RUVBL1: variants seen among roughly 807,000 people sequenced by gnomAD.
RUVBL1 encodes the protein RuvB like AAA ATPase 1.
Under a neutral mutation model 52.4 loss-of-function variants are expected in RUVBL1, and 4 were observed. The observed-to-expected ratio is 0.08, with a 90% confidence interval of 0.04 to 0.17. RUVBL1 has a LOEUF of 0.17. Among genes scored for constraint, RUVBL1 ranks in the 10% least tolerant of loss-of-function variants. The pLI, the probability that RUVBL1 is intolerant of heterozygous loss-of-function variation, is 1.00. For missense variants in RUVBL1, 298 were observed against 572.8 expected, an observed-to-expected ratio of 0.52 and a Z score of 4.90; for synonymous variants, 217 against 214.4, an observed-to-expected ratio of 1.01 and a Z score of -0.10.
chr3:128,127,162 C>T (rs1360921389), upstream of RUVBL1, among the ~76,000 whole-genome samples: 3 of 152,210 alleles, frequency 2.0e-5, no homozygotes, highest in African/African-American at 4.8e-5. Flanking sequence ...GGAAAGCTGA[C>T]AGAAAGAGAT....
At chr3:128,095,653 A>C (rs1942951979) in intron 8 of RUVBL1, among the ~76,000 whole-genome samples, 1 of 152,222 alleles carries the variant, frequency 6.6e-6, no homozygotes, top group Non-Finnish European at 1.5e-5. Flanking sequence ...CTGAGGGGGA[A>C]GGGCTGTTGC....
At chr3:128,118,467 C>G (rs568362413) in intron 2 of RUVBL1, among the ~76,000 whole-genome samples, 1 of 152,180 alleles carries the variant, frequency 6.6e-6, no homozygotes, top group Non-Finnish European at 1.5e-5. Flanking sequence ...GGTCTCATAG[C>G]AAGTCAATAC....
rs1943007256 is a variant in RUVBL1, at chr3:128,097,340, T to C, written c.976A>G (p.Ile326Val). The C allele has an allele frequency of 6.2e-7, 1 of 1,614,160 alleles. No homozygotes were observed. Among genetic ancestry groups the C allele is most frequent in the Non-Finnish European group, 8.5e-7 (1 of 1,180,024 alleles). Residue 326 changes from isoleucine (I) to valine (V), a missense_variant, in exon 8 of 11, where the codon ATC (isoleucine) becomes GTC (valine). Coordinates refer to ENST00000322623, the MANE Select transcript of RUVBL1 (RefSeq NM_003707.3). The part of the protein sequence containing the change: ...HRALESSIAP[I>V]VIFASNRGNC... ...CCTCGGTTGGATGCAAAGATGACGA[T>C]GGGAGCGATAGAAGACTCCAGGGCG...
intron 1 of RUVBL1, among the ~76,000 whole-genome samples, chr3:128,133,733 A>G (rs1185839160): frequency 6.6e-6 from 1 of 152,232 alleles, no homozygotes; most frequent in Non-Finnish European, 1.5e-5. Flanking sequence ...GACAGATTAC[A>G]ACACTCAATT....
rs772077545 is a variant in RUVBL1, at chr3:128,067,651, T to C, written c.940-2431A>G. ...AAACTTTCTGGAAGGGTGATGAAAGTGTGACTGGTATAAGGGGTGTGGACT... is the reference window on the plus strand; with the variant it reads ...AAACTTTCTGGAAGGGTGATGAAAGCGTGACTGGTATAAGGGGTGTGGACT... On this transcript the variant is annotated intron_variant, in intron 9 of 9. Coordinates refer to the RUVBL1 transcript ENST00000464873. The surrounding 1 kb of genome is among the most constrained non-coding windows in gnomAD (Gnocchi z 4.1). The C allele has an allele frequency of 2.0e-6, 3 of 1,505,084 alleles. No individual in the cohort carries two copies. The highest frequency in any genetic ancestry group is 2.3e-5 in the East Asian group (1 of 44,352). The allele number at this position is 1,505,084 out of a possible 1,614,324, so 93.2% of individuals were successfully genotyped here. A position where few individuals can be genotyped will look rare whatever the true frequency, so the allele number is the denominator to read the frequency against.
At position 128,069,569 on chromosome 3, in the gene RUVBL1, G is replaced by C; in HGVS notation, c.940-4349C>G. 6.2e-7 allele frequency: 1 copy of C among 1,614,110 alleles called. No homozygotes were observed. The highest frequency in any genetic ancestry group is 1.7e-5 in the Admixed American group (1 of 60,010). ...TAGGCGCCATTGGGTCTGGAACCGG[G>C]ATCCTGCTCGCAGTCACAATCATCT... On this transcript the variant is annotated intron_variant, in intron 9 of 9. Coordinates refer to the RUVBL1 transcript ENST00000464873.
rs748118262 is a variant in RUVBL1 at position 128,082,901 on chromosome 3, G to A, written c.1120-327C>T. On this transcript the variant is annotated intron_variant, in intron 9 of 10. Coordinates refer to ENST00000322623, the MANE Select transcript of RUVBL1 (RefSeq NM_003707.3). This position sits in a 1 kb window ranked among gnomAD's most constrained non-coding sequence, Gnocchi z 4.7. ...CATGTCCTCCCGTCCCCTGTCCCCA[G>A]GCAGAGAACTGGGGCCTCTTCTAAC... 17 of 228,854 alleles carry A rather than the reference G, an allele frequency of 7.4e-5. No homozygotes were observed. The highest frequency in any genetic ancestry group is 1.6e-4 in the Admixed American group (3 of 19,176). 14.2% of individuals were successfully genotyped at this position (228,854 alleles called of 1,614,324 possible). A position where few individuals can be genotyped will look rare whatever the true frequency, so the allele number is the denominator to read the frequency against.
rs1054395792 is a variant in RUVBL1, at chr3:128,082,008, TAGG to T, written c.1211+472_1211+474del. ...TGTGTTTGAGCCGCTGGAGAACAAT[TAGG>T]AGAACTGTCTATGTCTGCGCTCCTC... is the stretch of plus-strand genomic sequence containing the variant. On this transcript the variant is annotated intron_variant, in intron 10 of 10. Coordinates refer to ENST00000322623, the MANE Select transcript of RUVBL1 (RefSeq NM_003707.3). This position sits in a 1 kb window ranked among gnomAD's most constrained non-coding sequence, Gnocchi z 4.7. The T allele has an allele frequency of 9.1e-5, 15 of 165,642 alleles. No homozygotes were observed. The highest frequency in any genetic ancestry group is 3.6e-4 in the African/African-American group (15 of 41,550). The allele number at this position is 165,642 out of a possible 1,614,324, so 10.3% of individuals were successfully genotyped here.
intron 2 of RUVBL1, among the ~76,000 whole-genome samples, chr3:128,113,670 T>G (rs1943449833): frequency 1.3e-5 from 2 of 152,200 alleles, no homozygotes; most frequent in Admixed American, 1.3e-4. Context: ...TTTTTTATTG[T>G]TTTTTTCCTG....
chr3:128,065,026 A>G, exon 10 of RUVBL1: 1 of 1,614,256 alleles, frequency 6.2e-7, no homozygotes, highest in Non-Finnish European at 8.5e-7. Context: ...TGCAGTGGTC[A>G]TCTATTTCCA....
At chr3:128,135,540 G>GTAAA (rs1051600796) in intron 1 of RUVBL1, among the ~76,000 whole-genome samples, 1 of 152,042 alleles carries the variant, frequency 6.6e-6, no homozygotes, top group Non-Finnish European at 1.5e-5. Context: ...CTCAAAATAA[G>GTAAA]TAAATAAATA....
At chr3:128,112,705 C>T (rs569576468) in intron 3 of RUVBL1, among the ~76,000 whole-genome samples, 183 bp downstream of exon 3, 15 of 152,220 alleles carry the variant, frequency 9.9e-5, no homozygotes, top group Admixed American at 7.2e-4. Flanking sequence ...CAATTGCTAA[C>T]GCACTTCAAT....
At chr3:128,119,498 G>A (rs1033308993) in intron 1 of RUVBL1, 84 bp from the exon 2 acceptor site, 2 of 1,082,356 alleles carry the variant, frequency 1.8e-6, no homozygotes, top group Non-Finnish European at 2.7e-6. Flanking sequence ...GCCTACACAA[G>A]TCACACACTC....
At chr3:128,127,176 C>T (rs981264323), upstream of RUVBL1, among the ~76,000 whole-genome samples, 4 of 152,160 alleles carry the variant, frequency 2.6e-5, no homozygotes, top group African/African-American at 4.8e-5. Flanking sequence ...AAGAGATTCC[C>T]GATGAAATCC....
At chr3:128,134,786 C>A (rs1943927895) in intron 1 of RUVBL1, among the ~76,000 whole-genome samples, 1 of 147,212 alleles carries the variant, frequency 6.8e-6, no homozygotes, top group Admixed American at 6.8e-5. Flanking sequence ...GGGTGAGAAA[C>A]TTTGTCTAAA....
chr3:128,077,122 C>A (rs1251477674), downstream of RUVBL1, among the ~76,000 whole-genome samples: 1 of 151,904 alleles, frequency 6.6e-6, no homozygotes, highest in African/African-American at 2.4e-5. Context: ...GCCTGACAGC[C>A]GCATCCGTCG....
At chr3:128,068,493 T>G (rs1477123672) in intron 9 of RUVBL1, 1 of 168,292 alleles carries the variant, frequency 5.9e-6, no homozygotes, top group East Asian at 1.7e-4. Flanking sequence ...GCATTAAGGC[T>G]AGAGAGGCTG....
At chr3:128,080,201 G>C (rs1006754955), downstream of RUVBL1, among the ~76,000 whole-genome samples, 15 of 152,208 alleles carry the variant, frequency 9.9e-5, no homozygotes, top group Admixed American at 9.8e-4. Flanking sequence ...CAACTGACAA[G>C]AGCTCTCACT....
intron 1 of RUVBL1, among the ~76,000 whole-genome samples, chr3:128,122,190 C>T (rs1173372912): frequency 2.6e-5 from 4 of 152,196 alleles, no homozygotes; most frequent in African/African-American, 4.8e-5. Flanking sequence ...CCTCTATGAA[C>T]CAGAATTTCC....
Sources: allele counts gnomAD v4.1 joint callset (sites outside exome capture counted in the v4.1 genomes callset), GRCh38; gene constraint gnomAD v4.1.1; non-coding constraint Gnocchi (gnomAD v3.1); transcripts MANE v1.5; gene names NCBI Gene and HGNC (gene_info 2026-07-23, HGNC 2026-07-21).